The following MYOM2 variants were observed in gnomAD, a reference collection of about 807,000 sequenced individuals.
The protein encoded by MYOM2 is myomesin 2, also known as myomesin-2.
Under a neutral mutation model 187.6 loss-of-function variants are expected in MYOM2, and 254 were observed. That is an observed-to-expected ratio of 1.35 (90% CI 1.22 to 1.50). The LOEUF is 1.50. Ranked by LOEUF, MYOM2 falls within the 40% of genes most tolerant of loss-of-function variation. The pLI is 0.00. For synonymous variants in MYOM2, 981 were observed against 753.8 expected (o/e 1.30, Z -4.94); for missense variants, 2,796 against 1,924.0 (o/e 1.45, Z -8.48).
rs78321277 is a variant in MYOM2, at chr8:2,076,781, C to T, written c.1262+499C>T. ...TTTCCAAGTGAAAAATCTTGAGCTT[C>T]GAAATACTGGAGTTTGTGTTTGAGT... On this transcript the variant is annotated intron_variant, in intron 11 of 36. Transcript: ENST00000262113. 1.9e-3 allele frequency: 286 copies of T among 153,326 alleles called. 3 individuals are homozygous for T. In the East Asian group the frequency reaches 0.032, roughly 17 times the overall value. 9.5% of individuals were successfully genotyped at this position (153,326 alleles called of 1,614,324 possible).
rs574704223 is a variant in MYOM2, at chr8:2,101,564, A to G, written c.2619+510A>G. Among the ~76,000 whole-genome samples, 28 of 152,298 alleles carry G rather than the reference A, an allele frequency of 1.8e-4. 1 individual carries two copies. Among genetic ancestry groups the G allele is most frequent in the Admixed American group, 1.2e-3 (19 of 15,300 alleles). On this transcript the variant is annotated intron_variant, in intron 20 of 36. Coordinates refer to ENST00000262113, the MANE Select transcript of MYOM2 (RefSeq NM_003970.4). ...TGTGGGGCCCAGCAGATGACAGAAC[A>G]GTGCCTTGAGGACGCAGAGCCCTCC...
chr8:2,127,136 G>A (rs994787722), intron 31 of MYOM2, among the ~76,000 whole-genome samples: 2 of 151,898 alleles, frequency 1.3e-5, no homozygotes, highest in Admixed American at 6.6e-5. Flanking sequence ...TGAGCAGAGG[G>A]AAGGGGGGTC....
intron 25 of MYOM2, among the ~76,000 whole-genome samples, chr8:2,111,338 G>A (rs1797061611): frequency 6.6e-6 from 1 of 152,172 alleles, no homozygotes. Context: ...GCTGCATAAT[G>A]GCATTAGCAA....
In MYOM2 at chr8:2,114,459, A is replaced by G. The variant is rs140116639; in HGVS notation, c.3181-1501A>G. 2.3e-3 allele frequency among the ~76,000 whole-genome samples: 350 copies of G among 150,534 alleles called. 1 individual carries two copies. The highest frequency in any genetic ancestry group is 7.7e-3 in the African/African-American group (315 of 40,688). On this transcript the variant is annotated intron_variant, in intron 25 of 36. Coordinates refer to ENST00000262113, the MANE Select transcript of MYOM2 (RefSeq NM_003970.4). ...TTTGTGGTTTGGTTGTATGCATTAT[A>G]TATGACAAAATTTCTTCTTTCCCCC...
chr8:2,127,633 G>A (rs1270197858), intron 31 of MYOM2: 6 of 154,836 alleles, frequency 3.9e-5, no homozygotes, highest in South Asian at 1.5e-4. Context: ...GCGTGACGCG[G>A]TGACGCAGCC....
intron 20 of MYOM2, 21 bp from the exon 21 acceptor site, chr8:2,102,646 T>G: frequency 1.3e-6 from 2 of 1,532,900 alleles, no homozygotes; most frequent in Non-Finnish European, 1.8e-6. Flanking sequence ...ACACATCTGG[T>G]GTTTCCTCTG....
At chr8:2,098,705 C>T (rs1480381247) in intron 18 of MYOM2, 152 bp from the exon 19 acceptor site, 19 of 813,358 alleles carry the variant, frequency 2.3e-5, no homozygotes, top group Middle Eastern at 2.5e-4. Flanking sequence ...TCGGCCACAT[C>T]GAGGTCCTTC....
rs1796041984 is a variant in MYOM2, at chr8:2,086,288, C to CAT, written c.1644+898_1644+899insAT. 5.9e-5 allele frequency among the ~76,000 whole-genome samples: 7 copies of CAT among 119,628 alleles called. 2 individuals are homozygous for CAT. Among genetic ancestry groups the CAT allele is most frequent in the Admixed American group, 1.6e-4 (2 of 12,532 alleles). 78.5% of individuals were successfully genotyped at this position (119,628 alleles called of 152,430 possible). ...GTCATGATCTCTGGCACCCCACTGT[C>CAT]GTGATCTCCGCGTGGCCCCCCACAG... On this transcript the variant is annotated intron_variant, in intron 14 of 36. Coordinates refer to ENST00000262113, the MANE Select transcript of MYOM2 (RefSeq NM_003970.4).
chr8:2,060,079 T>A (rs1319604819), intron 6 of MYOM2, among the ~76,000 whole-genome samples: 4 of 152,196 alleles, frequency 2.6e-5, no homozygotes, highest in Non-Finnish European at 5.9e-5. Flanking sequence ...GAGACACTGC[T>A]GTTCTTTTTC....
At chr8:2,046,862 C>T (rs1165923802) in intron 1 of MYOM2, among the ~76,000 whole-genome samples, 2 of 151,104 alleles carry the variant, frequency 1.3e-5, no homozygotes, top group Non-Finnish European at 2.9e-5. Flanking sequence ...CATTGGGGAG[C>T]TGATCGGCCC....
chr8:2,102,325 A>G (rs1467213760), intron 20 of MYOM2: 1 of 212,938 alleles, frequency 4.7e-6, no homozygotes, highest in African/African-American at 2.3e-5. Flanking sequence ...ACAGTTAAAT[A>G]TCACACTTAA....
intron 32 of MYOM2, among the ~76,000 whole-genome samples, chr8:2,138,302 C>T (rs528995203): frequency 9.4e-4 from 143 of 152,320 alleles, no homozygotes; most frequent in African/African-American, 3.2e-3. Context: ...ATGGCCTCAT[C>T]GCTTCTGCTT....
intron 14 of MYOM2, among the ~76,000 whole-genome samples, chr8:2,089,236 T>TTTTTTTTTTTTTTGAGACGGAGTCTCGC (rs1796209417): frequency 6.6e-6 from 1 of 152,204 alleles, no homozygotes; most frequent in African/African-American, 2.4e-5. Context: ...ATCAAGGTTT[T>TTTTTTTTTTTTTTGAGACGGAGTCTCGC]TAAAGTAATT....
chr8:2,051,017 AG>A (rs1248475017), intron 2 of MYOM2, 144 bp downstream of exon 2: 2 of 643,892 alleles, frequency 3.1e-6, no homozygotes, highest in Non-Finnish European at 5.5e-6. Context: ...TCCCGTGCCC[AG>A]GTCCTGCCAC....
intron 18 of MYOM2, chr8:2,097,242 T>A (rs1036623863): frequency 5.4e-6 from 2 of 367,128 alleles, no homozygotes; most frequent in African/African-American, 4.4e-5. Context: ...ACACATATGA[T>A]GATATATAGG....
intron 28 of MYOM2, among the ~76,000 whole-genome samples, chr8:2,120,680 T>TTATATATA (rs1554432180): frequency 2.1e-5 from 1 of 48,298 alleles, no homozygotes; most frequent in African/African-American, 6.6e-5. Context: ...ATATATTATA[T>TTATATATA]TATATATAAA....
intron 32 of MYOM2, among the ~76,000 whole-genome samples, chr8:2,135,712 G>A (rs898686345): frequency 1.3e-5 from 2 of 152,164 alleles, no homozygotes; most frequent in African/African-American, 4.8e-5. Context: ...CGAAGAAGAG[G>A]TTTTGTCATA....
At chr8:2,051,363 C>T (rs1046208234) in intron 2 of MYOM2, among the ~76,000 whole-genome samples, 3 of 152,052 alleles carry the variant, frequency 2.0e-5, no homozygotes, top group African/African-American at 4.8e-5. Context: ...CTGCATCTTC[C>T]GGAAGCTTCT....
At chr8:2,047,978 A>T (rs1818362950) in intron 1 of MYOM2, among the ~76,000 whole-genome samples, 1 of 152,232 alleles carries the variant, frequency 6.6e-6, no homozygotes, top group African/African-American at 2.4e-5. Flanking sequence ...GCCGTTTCAC[A>T]TTCTTCCAGG....
Sources: allele counts gnomAD v4.1 joint callset (sites outside exome capture counted in the v4.1 genomes callset), GRCh38; gene constraint gnomAD v4.1.1; transcripts MANE v1.5; gene names NCBI Gene and HGNC (gene_info 2026-07-23, HGNC 2026-07-21).